PRIM2: variants seen among roughly 807,000 people sequenced by gnomAD.
The protein encoded by PRIM2 is DNA primase large subunit.
Under a neutral mutation model 67.3 loss-of-function variants are expected in PRIM2, and 39 were observed. The ratio of observed to expected loss-of-function variants is 0.58; its 90% confidence interval spans 0.45 to 0.76. The LOEUF is 0.76. Ranked by LOEUF, PRIM2 falls within the 30% of genes least tolerant of loss-of-function variation. The pLI is 0.00. For missense variants in PRIM2, 398 were observed against 598.7 expected, an observed-to-expected ratio of 0.66 and a Z score of 3.50; for synonymous variants, 143 against 198.7, an observed-to-expected ratio of 0.72 and a Z score of 2.36.
chr6:57,409,699 A>G (rs1191545838), intron 7 of PRIM2, among the ~76,000 whole-genome samples: 1 of 152,132 alleles, frequency 6.6e-6, no homozygotes, highest in Non-Finnish European at 1.5e-5. Flanking sequence ...TGTGCTTTTA[A>G]TTTCCATATC....
chr6:57,479,451 T>G (rs1432149937), intron 7 of PRIM2, among the ~76,000 whole-genome samples: 2 of 152,210 alleles, frequency 1.3e-5, no homozygotes, highest in Non-Finnish European at 2.9e-5. Context: ...CCTTTTATGA[T>G]TCATCTTGTT....
chr6:57,225,529 T>G, the PRIM2 span, among the ~76,000 whole-genome samples: 1 of 152,254 alleles, frequency 6.6e-6, no homozygotes. Flanking sequence ...CTGCAGTGAC[T>G]AGAAATGAGT....
intron 8 of PRIM2, among the ~76,000 whole-genome samples, chr6:57,509,799 A>C (rs1299176585): frequency 6.7e-6 from 1 of 149,192 alleles, no homozygotes; most frequent in East Asian, 1.9e-4. Context: ...GAACATTTTA[A>C]ATGTATTTAA....
the PRIM2 span, among the ~76,000 whole-genome samples, chr6:57,303,626 C>T: frequency 0.014 from 2,175 of 152,002 alleles, 61 homozygotes; most frequent in African/African-American, 0.049. Context: ...TAATTAATTA[C>T]TTTTTTTGAG....
At chr6:57,320,330 G>T (rs1179300603) in intron 2 of PRIM2, 127 bp from the exon 3 acceptor site, 1 of 597,526 alleles carries the variant, frequency 1.7e-6, no homozygotes, top group East Asian at 2.9e-5. Context: ...GTCGTTACAG[G>T]AAATAAACTG....
intron 7 of PRIM2, among the ~76,000 whole-genome samples, chr6:57,403,415 C>A (rs1246028066): frequency 1.3e-5 from 2 of 151,784 alleles, no homozygotes; most frequent in Admixed American, 6.6e-5. Context: ...TGCCATCACA[C>A]CCGGCTAATT....
chr6:57,293,459 G>A, the PRIM2 span, among the ~76,000 whole-genome samples: 24 of 152,048 alleles, frequency 1.6e-4, no homozygotes, highest in African/African-American at 5.6e-4. Flanking sequence ...CTAGAAATAC[G>A]ATTTGACCCA....
chr6:57,642,435 C>CTT lies in PRIM2; in HGVS notation c.1300-3469_1300-3468dup, dbSNP rs1156576933. Among the ~76,000 whole-genome samples the CTT allele has an allele frequency of 9.4e-3, 777 of 83,026 alleles. 1 individual carries two copies. The highest frequency in any genetic ancestry group is 0.014 in the East Asian group (35 of 2,488). 54.5% of individuals were successfully genotyped at this position (83,026 alleles called of 152,430 possible). A position where few individuals can be genotyped will look rare whatever the true frequency, so the allele number is the denominator to read the frequency against. On this transcript the variant is annotated intron_variant, in intron 13 of 13. Transcript: ENST00000615550. ...TATGCACATACCTTAAATATTATAT[C>CTT]TTTTTTTTTTTTTTTTTTTTTTTTT...
intron 7 of PRIM2, among the ~76,000 whole-genome samples, chr6:57,415,705 G>A (rs543379948): frequency 1.2e-4 from 18 of 152,298 alleles, no homozygotes; most frequent in East Asian, 3.9e-4. Context: ...GATAAACTAA[G>A]TTTATATAAT....
rs1442865846 is a variant in PRIM2, at chr6:57,424,943, G to A, written c.693+42775G>A. ...ATACTGTTCAACTAAAGTAACTCAA[G>A]AAAAACCTTGCTAGTGTTCCCTTAA... On this transcript the variant is annotated intron_variant, in intron 7 of 13. Transcript: ENST00000615550. Among the ~76,000 whole-genome samples, 11 of 152,214 alleles carry A rather than the reference G, an allele frequency of 7.2e-5. 1 individual carries two copies. The highest frequency in any genetic ancestry group is 2.2e-4 in the African/African-American group (9 of 41,544).
intron 10 of PRIM2, among the ~76,000 whole-genome samples, chr6:57,539,701 A>G (rs1463376280): frequency 6.6e-6 from 1 of 150,830 alleles, no homozygotes; most frequent in East Asian, 1.9e-4. Context: ...AAATTATAAG[A>G]AACTACACAC....
At chr6:57,358,882 A>G (rs1769113098) in intron 5 of PRIM2, among the ~76,000 whole-genome samples, 1 of 152,228 alleles carries the variant, frequency 6.6e-6, no homozygotes, top group Non-Finnish European at 1.5e-5. Flanking sequence ...ATATTTTCTC[A>G]TTGAGAAGTG....
the PRIM2 span, among the ~76,000 whole-genome samples, chr6:57,240,659 A>T: frequency 6.6e-6 from 1 of 151,940 alleles, no homozygotes; most frequent in African/African-American, 2.4e-5. Flanking sequence ...GAGGTAGAAG[A>T]CTCCTGAATG....
chr6:57,561,605 C>T (rs2127478316), intron 10 of PRIM2, among the ~76,000 whole-genome samples: 1 of 152,324 alleles, frequency 6.6e-6, no homozygotes, highest in South Asian at 2.1e-4. Context: ...GAGTTACAGC[C>T]TTCCTCTGGA....
At chr6:57,453,914 G>A (rs1166324558) in intron 7 of PRIM2, among the ~76,000 whole-genome samples, 6 of 152,110 alleles carry the variant, frequency 3.9e-5, no homozygotes, top group Admixed American at 3.9e-4. Context: ...TATGATATTG[G>A]CTGTGGGTTT....
the PRIM2 span, among the ~76,000 whole-genome samples, chr6:57,297,334 C>T: frequency 3.3e-5 from 5 of 151,792 alleles, no homozygotes; most frequent in East Asian, 3.9e-4. Context: ...CCCAGCTACT[C>T]GGGAGGCTGA....
the PRIM2 span, among the ~76,000 whole-genome samples, chr6:57,299,182 G>A: frequency 2.6e-5 from 4 of 151,728 alleles, no homozygotes; most frequent in Non-Finnish European, 5.9e-5. Context: ...GAAATGCTAA[G>A]GTTTATTTGG....
intron 5 of PRIM2, among the ~76,000 whole-genome samples, chr6:57,365,930 G>A (rs2104033): frequency 8.7e-6 from 1 of 114,894 alleles, no homozygotes; most frequent in East Asian, 2.8e-4. Context: ...AGCCTGAGCA[G>A]CAGAGTGAGA....
the PRIM2 span, among the ~76,000 whole-genome samples, chr6:57,222,628 G>T: frequency 0.011 from 1,676 of 152,278 alleles, 29 homozygotes; most frequent in African/African-American, 0.039. Context: ...AAAAAATGTC[G>T]AGCAAAGTCG....
Sources: allele counts gnomAD v4.1 joint callset (sites outside exome capture counted in the v4.1 genomes callset), GRCh38; gene constraint gnomAD v4.1.1; transcripts MANE v1.5; gene names NCBI Gene and HGNC (gene_info 2026-07-23, HGNC 2026-07-21).